NAE1: variants seen among roughly 807,000 people sequenced by gnomAD.
The protein encoded by NAE1 is NEDD8-activating enzyme E1 regulatory subunit.
A neutral mutation model predicts 88.0 loss-of-function variants in NAE1; 59 were observed. The observed-to-expected ratio is 0.67, with a 90% CI of 0.54 to 0.83. The LOEUF (loss-of-function observed/expected upper bound fraction) is 0.83. NAE1 is among the 40% of genes least tolerant of loss of function. The probability of loss-of-function intolerance (pLI) is 0.00; values close to 1 mark genes in which losing one functional copy is unlikely to be tolerated. For missense variants in NAE1, 554 were observed against 632.8 expected, an observed-to-expected ratio of 0.88 and a Z score of 1.34; for synonymous variants, 186 against 208.9, an observed-to-expected ratio of 0.89 and a Z score of 0.95.
Position 66,825,108 on chromosome 16 carries a change from A to G in NAE1, c.219-223T>C, listed in dbSNP as rs905767592. On this transcript the variant is annotated intron_variant, in intron 3 of 19. Transcript: ENST00000290810. The stretch of plus-strand genomic sequence containing the variant: ...CCAAATTGTGTACCACAGCATGTGA[A>G]TTTCACAAGATCCTCTGAGAGAAAA... Among the ~76,000 whole-genome samples the G allele has an allele frequency of 1.3e-5, 2 of 152,234 alleles. 1 individual carries two copies. Among genetic ancestry groups the G allele is most frequent in the African/African-American group, 4.8e-5 (2 of 41,472 alleles).
At chr16:66,810,107 G>C (rs1047232852) in intron 15 of NAE1, among the ~76,000 whole-genome samples, 1 of 151,972 alleles carries the variant, frequency 6.6e-6, no homozygotes, top group Admixed American at 6.6e-5. Context: ...TGAAAATCCT[G>C]TATTAATGGC....
At chr16:66,805,692 A>T (rs961667289) in intron 19 of NAE1, 85 bp downstream of exon 19, 10 of 1,162,834 alleles carry the variant, frequency 8.6e-6, no homozygotes, top group African/African-American at 7.9e-5. Flanking sequence ...CTCCCTAATT[A>T]AAATAGCTAG....
chr16:66,804,308 C>T (rs1330049174), intron 19 of NAE1, among the ~76,000 whole-genome samples: 1 of 151,808 alleles, frequency 6.6e-6, no homozygotes. Context: ...GTCATCCAGT[C>T]CATCCATCTG....
chr16:66,811,881 TAAAG>T (rs940409721), intron 13 of NAE1, among the ~76,000 whole-genome samples: 1 of 152,210 alleles, frequency 6.6e-6, no homozygotes, highest in African/African-American at 2.4e-5. Context: ...GGTGACATGA[TAAAG>T]AGTGAAATCT....
At chr16:66,815,851 T>C (rs1420953180) in intron 11 of NAE1, among the ~76,000 whole-genome samples, 6 of 151,322 alleles carry the variant, frequency 4.0e-5, no homozygotes, top group African/African-American at 1.2e-4. Context: ...TTAATAGAGA[T>C]GGGGTTTCAC....
intron 11 of NAE1, among the ~76,000 whole-genome samples, chr16:66,814,165 G>A (rs149752331): frequency 2.0e-5 from 3 of 152,178 alleles, no homozygotes; most frequent in Admixed American, 2.0e-4. Flanking sequence ...TAGACTCGCA[G>A]TATATCATGA....
chr16:66,806,375 A>G (rs1262059734), intron 17 of NAE1, among the ~76,000 whole-genome samples: 3 of 152,222 alleles, frequency 2.0e-5, no homozygotes, highest in Non-Finnish European at 2.9e-5. Context: ...TCCAATTCTA[A>G]AAGACTAAAT....
Position 66,823,309 on chromosome 16 carries a change from A to G in NAE1, c.322-3T>C. 1.3e-6 allele frequency: 2 copies of G among 1,592,502 alleles called. No homozygotes were observed. Among genetic ancestry groups the G allele is most frequent in the Admixed American group, 1.8e-5 (1 of 55,466 alleles). On this transcript the variant is annotated splice_polypyrimidine_tract_variant and splice_region_variant and intron_variant, in intron 5 of 19. Coordinates refer to ENST00000290810, the MANE Select transcript of NAE1 (RefSeq NM_003905.4). ...TTGTCTAGAAGGTTTTCTGGACTCT[A>G]AACAGGACAGCAAAGAAAAAAACAA...
rs374385077 is a variant in NAE1, at chr16:66,805,997, T to C, written c.1360A>G (p.Ile454Val). Residue 454 changes from isoleucine to valine, a missense_variant, in exon 18 of 20, where the codon ATA becomes GTA. Ile to Val is a conservative substitution (Grantham distance 29, BLOSUM62 3). Transcript: ENST00000290810. ...GTGAGACAAGACTTCAACTTTCCTA[T>C]ATCTTCTTCAACTTGATAGTTAGAT... Reference protein sequence around the residue: ...GVSNYQVEEDIGKLKSCLTGF... With the variant: ...GVSNYQVEEDVGKLKSCLTGF... The C allele has an allele frequency of 5.0e-6, 8 of 1,612,860 alleles. No individual in the cohort carries two copies. The highest frequency in any genetic ancestry group is 5.9e-6 in the Non-Finnish European group (7 of 1,179,682).
intron 1 of NAE1, among the ~76,000 whole-genome samples, chr16:66,828,890 G>A (rs1025842526): frequency 6.6e-6 from 1 of 151,454 alleles, no homozygotes; most frequent in Non-Finnish European, 1.5e-5. Context: ...CAGGAGGATC[G>A]TTAGAGCCCA....
intron 12 of NAE1, 30 bp downstream of exon 12, chr16:66,813,757 C>T: frequency 1.2e-6 from 2 of 1,612,270 alleles, no homozygotes; most frequent in Non-Finnish European, 1.7e-6. Context: ...AAAGTTTTAG[C>T]AGCAATGTTT....
At chr16:66,817,985 C>T (rs1048048084) in intron 8 of NAE1, among the ~76,000 whole-genome samples, 5 of 151,850 alleles carry the variant, frequency 3.3e-5, no homozygotes, top group African/African-American at 1.2e-4. Flanking sequence ...TTTGTGGGTA[C>T]TTAGGTGTAT....
chr16:66,812,514 T>C (rs74541215), intron 13 of NAE1, among the ~76,000 whole-genome samples: 1 of 111,924 alleles, frequency 8.9e-6, no homozygotes, highest in East Asian at 2.2e-4. Flanking sequence ...CCCTAAGTTC[T>C]TTTTTTTTTT....
Position 66,805,811 on chromosome 16 carries a change from A to C in NAE1, c.1461T>G (p.Ala487=). Residue 487 remains alanine, a synonymous_variant, in exon 19 of 20, where the codon GCT becomes GCG. Transcript: ENST00000290810. ...DYVHEFCRYG[A]AEPHTIAAFL... ...ATGCAGCAATGGTATGTGGCTCAGC[A>C]GCTCCATATCGGCAACTAAAGGAGA... The C allele has an allele frequency of 6.5e-7, 1 of 1,537,614 alleles. No individual in the cohort carries two copies. Among genetic ancestry groups the C allele is most frequent in the Non-Finnish European group, 8.7e-7 (1 of 1,148,780 alleles).
chr16:66,825,975 G>A (rs1203271362), intron 3 of NAE1: 8 of 152,918 alleles, frequency 5.2e-5, no homozygotes, highest in Non-Finnish European at 1.2e-4. Context: ...CTAATTGCTG[G>A]TTTCCCTTAT....
rs1959930999 is a variant in NAE1 at position 66,813,961 on chromosome 16, A to C, written c.841-115T>G. 11 of 989,006 alleles carry C rather than the reference A, an allele frequency of 1.1e-5. No homozygotes were observed. In the South Asian group the frequency reaches 1.8e-4, roughly 16 times the overall value. 61.3% of individuals were successfully genotyped at this position (989,006 alleles called of 1,614,324 possible). A position where few individuals can be genotyped will look rare whatever the true frequency, so the allele number is the denominator to read the frequency against. ...GAATTCTCAAATTGTAATCAAATACAAACTTCTGATTGGTTTATAATTTTA... is the reference window on the plus strand; with the variant it reads ...GAATTCTCAAATTGTAATCAAATACCAACTTCTGATTGGTTTATAATTTTA... On this transcript the variant is annotated intron_variant, in intron 11 of 19. Coordinates refer to ENST00000290810, the MANE Select transcript of NAE1 (RefSeq NM_003905.4).
chr16:66,817,696 C>T (rs996215513), intron 8 of NAE1, among the ~76,000 whole-genome samples: 1 of 152,010 alleles, frequency 6.6e-6, no homozygotes, highest in Non-Finnish European at 1.5e-5. Context: ...ATGATTGTCC[C>T]CATTATACCA....
chr16:66,811,451 T>C (rs1437567065), intron 13 of NAE1, among the ~76,000 whole-genome samples: 3 of 152,186 alleles, frequency 2.0e-5, no homozygotes, highest in African/African-American at 7.2e-5. Context: ...CTGACCTTCA[T>C]ACCTTTTTAG....
At chr16:66,810,576 G>A (rs2145318177) in intron 14 of NAE1, 121 bp downstream of exon 14, 4 of 1,101,986 alleles carry the variant, frequency 3.6e-6, no homozygotes, top group Admixed American at 4.3e-5. Context: ...CCATTAGGCA[G>A]GGAAATGACA....
Sources: gnomAD v4.1 joint callset for allele counts (sites outside exome capture counted in the v4.1 genomes callset) on GRCh38, gnomAD v4.1.1 for gene constraint, MANE v1.5 for transcripts, NCBI Gene and HGNC (gene_info 2026-07-23, HGNC 2026-07-21) for gene names.